The following AMOTL2 variants were observed in gnomAD, a reference collection of about 807,000 sequenced individuals.
The protein encoded by AMOTL2 is angiomotin like 2.
Under a neutral mutation model 78.4 loss-of-function variants are expected in AMOTL2, and 33 were observed. The observed-to-expected ratio is 0.42, with a 90% confidence interval of 0.32 to 0.56. AMOTL2 has a LOEUF of 0.56. AMOTL2 is among the 20% of genes least tolerant of loss of function. The probability of loss-of-function intolerance (pLI) is 0.12; values close to 1 mark genes in which losing one functional copy is unlikely to be tolerated. For synonymous variants in AMOTL2, 422 were observed against 428.8 expected, an observed-to-expected ratio of 0.98 and a Z score of 0.20; for missense variants, 983 against 1,030.1, an observed-to-expected ratio of 0.95 and a Z score of 0.63.
intron 2 of AMOTL2, among the ~76,000 whole-genome samples, chr3:134,369,972 G>A (rs1020059659): frequency 6.6e-6 from 1 of 152,200 alleles, no homozygotes; most frequent in Non-Finnish European, 1.5e-5. Flanking sequence ...TGCTCTGCAT[G>A]TAGCCAGAGA....
At chr3:134,375,319 G>A (rs543536185), upstream of AMOTL2, 1 of 1,330,254 alleles carries the variant, frequency 7.5e-7, no homozygotes. Flanking sequence ...GCCCTGCCAA[G>A]CACCCTCCAA....
intron 3 of AMOTL2, chr3:134,366,700 C>G (rs1345628290): frequency 2.8e-6 from 1 of 354,436 alleles, no homozygotes. Flanking sequence ...TAGCTGCCTG[C>G]GGGGTGACTA....
At position 134,358,694 on chromosome 3, in the gene AMOTL2, T is replaced by C. The variant is rs769197027; in HGVS notation, c.2130A>G (p.Pro710=). The part of the protein sequence containing the change: ...TTADRAPTEE[P]VVTAPPAAHA... The stretch of plus-strand genomic sequence containing the variant: ...GGGCAGCAGGGGGAGCTGTGACCAC[T>C]GGCTCCTCTGTGGGTGCTCTGTCTG... The change falls in exon 9 of 10, where the codon CCA becomes CCG. Residue 710 remains proline (P), a synonymous_variant. Coordinates refer to ENST00000249883, the MANE Select transcript of AMOTL2 (RefSeq NM_016201.4). 14 of 1,614,146 alleles carry C rather than the reference T, an allele frequency of 8.7e-6. No individual in the cohort carries two copies. The highest frequency in any genetic ancestry group is 1.2e-5 in the Non-Finnish European group (14 of 1,180,018).
Position 134,360,364 on chromosome 3 carries a change from T to C in AMOTL2, c.1625A>G (p.Glu542Gly). The change falls in exon 7 of 10, where the codon GAG becomes GGG. Residue 542 changes from glutamate (E) to glycine (G), a missense_variant. Glu to Gly is a moderately conservative substitution (Grantham distance 98, BLOSUM62 -2). Transcript: ENST00000249883. ...GGSSGSGGSP[E>G]LSALRLSEQL... is the part of the protein sequence containing the mutation. ...TTCTGACAGTCGCAGGGCGCTGAGC[T>C]CTGGAGACCCACCACTGCCACTGCT... 6.2e-7 allele frequency: 1 copy of C among 1,613,870 alleles called. No homozygotes were observed. Among genetic ancestry groups the C allele is most frequent in the Non-Finnish European group, 8.5e-7 (1 of 1,179,888 alleles).
In AMOTL2 at chr3:134,360,369, A is replaced by G; in HGVS notation, c.1620T>C (p.Ser540=). 1 of 1,613,708 alleles carries G rather than the reference A, an allele frequency of 6.2e-7. No individual in the cohort carries two copies. Among genetic ancestry groups the G allele is most frequent in the East Asian group, 2.2e-5 (1 of 44,872 alleles). ...APGGSSGSGG[S]PELSALRLSE... Reference sequence around the variant, plus strand: ...ACAGTCGCAGGGCGCTGAGCTCTGGAGACCCACCACTGCCACTGCTACCAC... The same window carrying G: ...ACAGTCGCAGGGCGCTGAGCTCTGGGGACCCACCACTGCCACTGCTACCAC... The change falls in exon 7 of 10, where the codon TCT becomes TCC. Residue 540 remains serine (S), a synonymous_variant. Coordinates refer to ENST00000249883, the MANE Select transcript of AMOTL2 (RefSeq NM_016201.4).
At chr3:134,362,403 G>A (rs554965510) in intron 5 of AMOTL2, among the ~76,000 whole-genome samples, 2 of 152,304 alleles carry the variant, frequency 1.3e-5, no homozygotes, top group African/African-American at 4.8e-5. Context: ...CTGCCAAATG[G>A]AAACCCCAGT....
At chr3:134,368,626 T>C (rs1038340941) in intron 2 of AMOTL2, among the ~76,000 whole-genome samples, 3 of 152,176 alleles carry the variant, frequency 2.0e-5, no homozygotes, top group Non-Finnish European at 4.4e-5. Flanking sequence ...GGCAGAGTGC[T>C]GGGCCAGTGC....
intron 1 of AMOTL2, among the ~76,000 whole-genome samples, chr3:134,372,175 G>A (rs1253170670): frequency 3.3e-5 from 5 of 152,048 alleles, no homozygotes; most frequent in East Asian, 1.9e-4. Context: ...CCTCTAGCCC[G>A]CTGAACCCCT....
chr3:134,359,991 G>C (rs1001851686), intron 7 of AMOTL2, 115 bp downstream of exon 7: 2 of 1,139,688 alleles, frequency 1.8e-6, no homozygotes, highest in Non-Finnish European at 2.4e-6. Context: ...AAGCAGGAGG[G>C]ACTGCTGAGC....
At chr3:134,373,445 A>C (rs1371175069) in intron 1 of AMOTL2, 1 of 984,220 alleles carries the variant, frequency 1.0e-6, no homozygotes, top group Non-Finnish European at 1.2e-6. Flanking sequence ...AGCCCCTCAG[A>C]TTCACGTCCT....
At chr3:134,361,287 G>A (rs554420795) in intron 6 of AMOTL2, among the ~76,000 whole-genome samples, 1 of 152,322 alleles carries the variant, frequency 6.6e-6, no homozygotes, top group African/African-American at 2.4e-5. Context: ...GGCTGGACAT[G>A]GGCCAGGTGG....
In AMOTL2 at chr3:134,371,257, G is replaced by A. The variant is rs1354354274; in HGVS notation, c.177C>T (p.Ala59=). 8 of 1,612,880 alleles carry A rather than the reference G, an allele frequency of 5.0e-6. No individual in the cohort carries two copies. Among genetic ancestry groups the A allele is most frequent in the East Asian group, 2.2e-5 (1 of 44,878 alleles). Residue 59 remains alanine, a synonymous_variant, in exon 2 of 10, where the codon GCC becomes GCT. Transcript: ENST00000249883. ...GSPQASLEIL[A]PEDSQVLQQA... ...GCTGCAGCACCTGACTGTCCTCTGG[G>A]GCCAGGATCTCCAGGGAGGCCTGGG...
chr3:134,373,532 C>G (rs1576590997), intron 1 of AMOTL2: 1 of 985,618 alleles, frequency 1.0e-6, no homozygotes, highest in Non-Finnish European at 1.2e-6. Flanking sequence ...TGCACTCGCC[C>G]GCTGCGCTCT....
intron 1 of AMOTL2, among the ~76,000 whole-genome samples, chr3:134,373,302 C>T (rs2017947157): frequency 6.6e-6 from 1 of 152,126 alleles, no homozygotes; most frequent in Non-Finnish European, 1.5e-5. Context: ...TGGGCCGACT[C>T]CCACAGAGAA....
chr3:134,366,012 G>A, intron 4 of AMOTL2, 103 bp from the exon 5 acceptor site: 1 of 1,288,404 alleles, frequency 7.8e-7, no homozygotes, highest in Non-Finnish European at 1.1e-6. Context: ...CCATATTGGG[G>A]ATGGGTTCAT....
intron 2 of AMOTL2, among the ~76,000 whole-genome samples, chr3:134,369,237 A>C (rs1011490356): frequency 6.6e-6 from 1 of 152,204 alleles, no homozygotes; most frequent in Non-Finnish European, 1.5e-5. Context: ...CAAACTCTCC[A>C]TTCCACTGCT....
At chr3:134,367,303 G>T (rs528666334) in intron 3 of AMOTL2, among the ~76,000 whole-genome samples, 194 bp downstream of exon 3, 1 of 152,246 alleles carries the variant, frequency 6.6e-6, no homozygotes, top group South Asian at 2.1e-4. Context: ...CCGGCCTCTC[G>T]GCTGTTCCCC....
At chr3:134,372,124 G>C (rs1268947822) in intron 1 of AMOTL2, among the ~76,000 whole-genome samples, 1 of 152,132 alleles carries the variant, frequency 6.6e-6, no homozygotes, top group East Asian at 1.9e-4. Flanking sequence ...CCACCCTCTA[G>C]ACTGAGGCAT....
intron 5 of AMOTL2, among the ~76,000 whole-genome samples, chr3:134,363,808 G>A (rs1190818867): frequency 6.6e-6 from 1 of 152,192 alleles, no homozygotes; most frequent in African/African-American, 2.4e-5. Context: ...AGCTGCTTGG[G>A]TTTCCTCAGC....
Sources: gnomAD v4.1 joint callset for allele counts (sites outside exome capture counted in the v4.1 genomes callset) on GRCh38, gnomAD v4.1.1 for gene constraint, MANE v1.5 for transcripts, NCBI Gene and HGNC (gene_info 2026-07-23, HGNC 2026-07-21) for gene names.